Variants in GBF1 observed in about 807,000 individuals in gnomAD.
GBF1 encodes the protein Golgi-specific brefeldin A-resistance guanine nucleotide exchange factor 1.
In GBF1, 114 loss-of-function variants were observed where a neutral mutation model predicts 210.5. That is an observed-to-expected ratio of 0.54 (90% CI 0.47 to 0.63). The LOEUF (loss-of-function observed/expected upper bound fraction) is 0.63. Ranked by LOEUF, GBF1 falls within the 30% of genes least tolerant of loss-of-function variation. The pLI, the probability that GBF1 is intolerant of heterozygous loss-of-function variation, is 0.00. For missense variants in GBF1, 1,851 were observed against 2,357.7 expected (o/e 0.79, Z 4.45); for synonymous variants, 850 against 889.2 (o/e 0.96, Z 0.78).
chr10:102,307,592 C>T (rs911467974), intron 3 of GBF1, among the ~76,000 whole-genome samples: 2 of 152,200 alleles, frequency 1.3e-5, no homozygotes, highest in South Asian at 4.1e-4. Flanking sequence ...AGATTGAGAC[C>T]ATCCTGGCTA....
At chr10:102,280,661 AG>A (rs2075399428) in intron 3 of GBF1, among the ~76,000 whole-genome samples, 1 of 152,232 alleles carries the variant, frequency 6.6e-6, no homozygotes, top group Non-Finnish European at 1.5e-5. Context: ...ATAAACAGGG[AG>A]TAATACTGTC....
intron 3 of GBF1, among the ~76,000 whole-genome samples, chr10:102,274,712 T>TA (rs1414026894): frequency 2.3e-5 from 3 of 128,434 alleles, no homozygotes; most frequent in African/African-American, 6.4e-5. Context: ...TTTTTTTTTT[T>TA]TTTTTTTTTT....
intron 3 of GBF1, among the ~76,000 whole-genome samples, chr10:102,288,026 A>G (rs1159792889): frequency 6.6e-6 from 1 of 152,110 alleles, no homozygotes; most frequent in Non-Finnish European, 1.5e-5. Flanking sequence ...AAATTGTCCA[A>G]TATGTATATG....
intron 28 of GBF1, 113 bp downstream of exon 28, chr10:102,370,591 C>T (rs2060152562): frequency 3.9e-6 from 5 of 1,294,410 alleles, no homozygotes; most frequent in Middle Eastern, 1.9e-4. Context: ...GAGAAGCTTA[C>T]TCATCATACC....
At chr10:102,293,504 G>A (rs2076609315) in intron 3 of GBF1, among the ~76,000 whole-genome samples, 1 of 151,956 alleles carries the variant, frequency 6.6e-6, no homozygotes, top group African/African-American at 2.4e-5. Flanking sequence ...CTTTCAGGAG[G>A]TATTCCAGAA....
chr10:102,345,142 C>T (rs981180988), intron 4 of GBF1, among the ~76,000 whole-genome samples: 6 of 151,478 alleles, frequency 4.0e-5, no homozygotes, highest in Non-Finnish European at 7.4e-5. Context: ...ATTAGCCAGG[C>T]GTGGTGGCGG....
At position 102,260,042 on chromosome 10, in the gene GBF1, T is replaced by G. The variant is rs758004436; in HGVS notation, c.97-8T>G. On this transcript the variant is annotated splice_region_variant and splice_polypyrimidine_tract_variant and intron_variant, in intron 2 of 39. Transcript: ENST00000369983. The stretch of plus-strand genomic sequence containing the variant: ...ATAATGACTTACTTTAATCTATGTG[T>G]TCTACAGGATGAAGAACGGGATCCT... 6.5e-7 allele frequency: 1 copy of G among 1,549,942 alleles called. No homozygotes were observed. Among genetic ancestry groups the G allele is most frequent in the South Asian group, 1.1e-5 (1 of 89,418 alleles).
intron 3 of GBF1, among the ~76,000 whole-genome samples, chr10:102,308,226 A>G (rs1397512322): frequency 6.7e-6 from 1 of 149,062 alleles, no homozygotes; most frequent in Non-Finnish European, 1.5e-5. Flanking sequence ...AAAAGAGGAA[A>G]CTGCCCAAAT....
chr10:102,241,645 C>T (rs112009583), upstream of GBF1, among the ~76,000 whole-genome samples: 7,702 of 152,344 alleles, frequency 0.051, 387 homozygotes, highest in African/African-American at 0.13. The surrounding 1 kb of genome is among the most constrained non-coding windows in gnomAD (Gnocchi z 6.7). Context: ...CTGTGGATCT[C>T]CAGGCCCCGC....
chr10:102,368,805 A>G lies in GBF1; in HGVS notation c.2946A>G (p.Leu982=), dbSNP rs772872196. 1.9e-6 allele frequency: 3 copies of G among 1,612,354 alleles called. No homozygotes were observed. The highest frequency in any genetic ancestry group is 1.7e-5 in the Admixed American group (1 of 60,012). ...SDVFDNLIIS[L]CKFTALSSES... ...TGTTTGACAATCTCATCATCTCTCT[A>G]TGCAAATTCACAGCTCTCAGCAGTG... Residue 982 remains leucine (L), a synonymous_variant, in exon 23 of 40, where the codon CTA becomes CTG. Coordinates refer to ENST00000369983, the MANE Select transcript of GBF1 (RefSeq NM_001377137.1).
At chr10:102,347,626 A>C (rs1052201241) in intron 4 of GBF1, among the ~76,000 whole-genome samples, 3 of 152,200 alleles carry the variant, frequency 2.0e-5, no homozygotes, top group African/African-American at 4.8e-5. Context: ...AGCAGGAAGG[A>C]GTGTATGAAA....
At chr10:102,290,694 G>A (rs2076361235) in intron 3 of GBF1, among the ~76,000 whole-genome samples, 3 of 151,988 alleles carry the variant, frequency 2.0e-5, no homozygotes, top group Admixed American at 2.0e-4. Flanking sequence ...TTGTAGAGAT[G>A]GGTTTTTGCC....
chr10:102,308,489 T>C (rs1228166770), intron 3 of GBF1, among the ~76,000 whole-genome samples: 1 of 151,994 alleles, frequency 6.6e-6, no homozygotes, highest in Non-Finnish European at 1.5e-5. Flanking sequence ...TGTCCAACAG[T>C]GATAGACCGG....
At chr10:102,314,406 C>T (rs1315458541) in intron 3 of GBF1, among the ~76,000 whole-genome samples, 1 of 152,128 alleles carries the variant, frequency 6.6e-6, no homozygotes, top group Admixed American at 6.5e-5. Flanking sequence ...CTAGGCCTCC[C>T]AAAATGCTGG....
At chr10:102,374,357 A>G (rs1230919619) in intron 29 of GBF1, among the ~76,000 whole-genome samples, 1 of 151,844 alleles carries the variant, frequency 6.6e-6, no homozygotes, top group Non-Finnish European at 1.5e-5. Flanking sequence ...CAAAAAAAAA[A>G]AGAATTTGAA....
chr10:102,233,552 C>T, the GBF1 span, among the ~76,000 whole-genome samples: 1 of 152,112 alleles, frequency 6.6e-6, no homozygotes, highest in South Asian at 2.1e-4. Flanking sequence ...GATCTGCCTG[C>T]CTCGGCCTCC....
intron 3 of GBF1, among the ~76,000 whole-genome samples, chr10:102,302,460 C>T (rs186225220): frequency 2.6e-5 from 4 of 152,086 alleles, no homozygotes; most frequent in Admixed American, 1.3e-4. Context: ...AAAAAAAAAT[C>T]ATCATACTGA....
chr10:102,255,776 G>A (rs1323428838), intron 1 of GBF1, among the ~76,000 whole-genome samples: 3 of 152,158 alleles, frequency 2.0e-5, no homozygotes, highest in East Asian at 1.9e-4. Flanking sequence ...AAGAGAGCGT[G>A]GTTGTACATT....
intron 1 of GBF1, among the ~76,000 whole-genome samples, chr10:102,247,301 AG>A (rs1183871025): frequency 6.6e-6 from 1 of 152,112 alleles, no homozygotes; most frequent in Admixed American, 6.5e-5. Context: ...TGTTGGGAGA[AG>A]GGGGATGGCA....
Sources: gnomAD v4.1 joint callset for allele counts (sites outside exome capture counted in the v4.1 genomes callset) on GRCh38, gnomAD v4.1.1 for gene constraint, Gnocchi (gnomAD v3.1) non-coding constraint, MANE v1.5 for transcripts, NCBI Gene and HGNC (gene_info 2026-07-23, HGNC 2026-07-21) for gene names.